Variants in PHF24 observed in about 807,000 individuals in gnomAD.
PHF24 encodes the protein Galpha inhibitory interacting protein.
A neutral mutation model predicts 42.6 loss-of-function variants in PHF24; 25 were observed. That is an observed-to-expected ratio of 0.59 (90% CI 0.43 to 0.82). The LOEUF is 0.82. Among genes scored for constraint, PHF24 ranks in the 40% least tolerant of loss-of-function variants. The pLI is 0.00. For missense variants in PHF24, 470 were observed against 538.1 expected (o/e 0.87, Z 1.25); for synonymous variants, 185 against 204.8 (o/e 0.90, Z 0.83).
the PHF24 span, among the ~76,000 whole-genome samples, chr9:34,742,195 T>A: frequency 6.6e-6 from 1 of 152,182 alleles, no homozygotes; most frequent in Non-Finnish European, 1.5e-5. Context: ...TATGCCCAGA[T>A]TGAAGGGAAT....
chr9:34,682,673 T>C, the PHF24 span, among the ~76,000 whole-genome samples: 1 of 152,186 alleles, frequency 6.6e-6, no homozygotes, highest in Admixed American at 6.5e-5. Flanking sequence ...AGACTTTGCT[T>C]TCCATCATAG....
At chr9:34,968,803 C>G (rs1162706756) in intron 1 of PHF24, among the ~76,000 whole-genome samples, 1 of 152,174 alleles carries the variant, frequency 6.6e-6, no homozygotes, top group Non-Finnish European at 1.5e-5. Context: ...AGACACATTG[C>G]TAGGCAGTGG....
the PHF24 span, among the ~76,000 whole-genome samples, chr9:34,793,894 C>G: frequency 6.6e-6 from 1 of 151,574 alleles, no homozygotes; most frequent in East Asian, 2.0e-4. Flanking sequence ...GGGTGAACCC[C>G]TGTTATTTTT....
the PHF24 span, among the ~76,000 whole-genome samples, chr9:34,688,576 C>A: frequency 6.6e-6 from 1 of 152,170 alleles, no homozygotes; most frequent in Non-Finnish European, 1.5e-5. Context: ...CTGGCTACTC[C>A]TTCTTCCACC....
intron 1 of PHF24, among the ~76,000 whole-genome samples, chr9:34,970,614 T>C (rs574008927): frequency 6.6e-6 from 1 of 152,348 alleles, no homozygotes; most frequent in African/African-American, 2.4e-5. Flanking sequence ...GGATTGTTCA[T>C]GGCACCTACT....
the PHF24 span, among the ~76,000 whole-genome samples, chr9:34,761,500 T>C: frequency 6.6e-6 from 1 of 152,094 alleles, no homozygotes; most frequent in Admixed American, 6.6e-5. Context: ...GAGTGATAAA[T>C]GCTATGAAGA....
chr9:34,839,734 C>T, the PHF24 span, among the ~76,000 whole-genome samples: 1 of 152,194 alleles, frequency 6.6e-6, no homozygotes, highest in African/African-American at 2.4e-5. Context: ...TTGGCTTCCT[C>T]CTCTCAAGAC....
the PHF24 span, chr9:34,690,359 A>T: frequency 6.6e-4 from 1,065 of 1,610,494 alleles, 12 homozygotes; most frequent in South Asian, 0.011. Flanking sequence ...TGGGGAAAGA[A>T]GGTGACAGGA....
the PHF24 span, among the ~76,000 whole-genome samples, chr9:34,936,279 C>T: frequency 2.6e-5 from 4 of 152,214 alleles, no homozygotes; most frequent in African/African-American, 7.2e-5. Flanking sequence ...CTGTGTTCGC[C>T]GGGCTGGTCT....
the PHF24 span, among the ~76,000 whole-genome samples, chr9:34,888,103 G>T: frequency 6.6e-6 from 1 of 152,066 alleles, no homozygotes; most frequent in Admixed American, 6.6e-5. Context: ...CTCAGCCTGG[G>T]AAAGCCTCTC....
At chr9:34,897,577 A>G in the PHF24 span, among the ~76,000 whole-genome samples, 7 of 152,356 alleles carry the variant, frequency 4.6e-5, no homozygotes, top group South Asian at 1.0e-3. Context: ...ACAACCAAAA[A>G]ATTCATTAGC....
chr9:34,839,439 C>T, the PHF24 span, among the ~76,000 whole-genome samples: 2 of 152,190 alleles, frequency 1.3e-5, no homozygotes, highest in Non-Finnish European at 2.9e-5. Context: ...CCTCAGGACT[C>T]ATCACTCCTA....
At chr9:34,764,050 A>G in the PHF24 span, among the ~76,000 whole-genome samples, 1 of 152,014 alleles carries the variant, frequency 6.6e-6, no homozygotes, top group African/African-American at 2.4e-5. Flanking sequence ...GATGAAGCCC[A>G]CTTGATCATG....
chr9:34,676,342 G>A, the PHF24 span, among the ~76,000 whole-genome samples: 1 of 152,120 alleles, frequency 6.6e-6, no homozygotes, highest in Non-Finnish European at 1.5e-5. Context: ...TAGGCACAAT[G>A]GGGAAACCAC....
At chr9:34,849,601 C>G in the PHF24 span, among the ~76,000 whole-genome samples, 1 of 151,608 alleles carries the variant, frequency 6.6e-6, no homozygotes, top group African/African-American at 2.4e-5. Flanking sequence ...GTCCATTTAC[C>G]TTTAAAGTTA....
the PHF24 span, among the ~76,000 whole-genome samples, chr9:34,784,792 A>G: frequency 1.3e-5 from 2 of 152,336 alleles, no homozygotes; most frequent in East Asian, 3.9e-4. Flanking sequence ...CAAGATAGTG[A>G]AAGGACTAAG....
chr9:34,837,371 C>G, the PHF24 span: 34 of 391,302 alleles, frequency 8.7e-5, no homozygotes, highest in African/African-American at 6.6e-4. Flanking sequence ...TTATGGCAAA[C>G]AAGACTGAGA....
the PHF24 span, among the ~76,000 whole-genome samples, chr9:34,871,964 G>C: frequency 5.3e-5 from 8 of 152,130 alleles, no homozygotes; most frequent in Non-Finnish European, 1.0e-4. Flanking sequence ...TGTAGATCAA[G>C]TTGTGAAGAA....
chr9:34,732,117 C>T, the PHF24 span, among the ~76,000 whole-genome samples: 1 of 151,718 alleles, frequency 6.6e-6, no homozygotes, highest in African/African-American at 2.4e-5. Flanking sequence ...CCACCTCGGC[C>T]TCCTAAAGTG....
Sources: gnomAD v4.1 joint callset for allele counts (sites outside exome capture counted in the v4.1 genomes callset) on GRCh38, gnomAD v4.1.1 for gene constraint, MANE v1.5 for transcripts, NCBI Gene and HGNC (gene_info 2026-07-23, HGNC 2026-07-21) for gene names.